The following TRHDE variants were observed in gnomAD, a reference collection of about 807,000 sequenced individuals.
TRHDE encodes thyrotropin releasing hormone degrading enzyme.
TRHDE carries 72 observed loss-of-function variants against 125.7 expected under a neutral mutation model. The observed-to-expected ratio is 0.57, with a 90% CI of 0.47 to 0.70. The LOEUF is 0.70. TRHDE is among the 30% of genes least tolerant of loss of function. The pLI, the probability that TRHDE is intolerant of heterozygous loss-of-function variation, is 0.00. For missense variants in TRHDE, 1,110 were observed against 1,327.1 expected, an observed-to-expected ratio of 0.84 and a Z score of 2.54; for synonymous variants, 509 against 509.1, an observed-to-expected ratio of 1.00 and a Z score of 0.00.
intron 3 of TRHDE, among the ~76,000 whole-genome samples, chr12:72,462,643 T>C (rs1397851614): frequency 6.6e-6 from 1 of 152,214 alleles, no homozygotes; most frequent in Non-Finnish European, 1.5e-5. Context: ...AGATTAAAAC[T>C]GCCCTGTCTT....
chr12:72,397,761 C>T (rs1382637780), intron 3 of TRHDE, among the ~76,000 whole-genome samples: 3 of 151,978 alleles, frequency 2.0e-5, no homozygotes, highest in African/African-American at 7.3e-5. Flanking sequence ...AGAAACATCC[C>T]CTGATGACAT....
At chr12:72,109,414 C>T (rs909699351) in intron 2 of TRHDE, among the ~76,000 whole-genome samples, 1 of 152,008 alleles carries the variant, frequency 6.6e-6, no homozygotes, top group Non-Finnish European at 1.5e-5. Context: ...TGCTTGGCTG[C>T]ATATAACAGA....
At chr12:72,638,443 C>T (rs1365710209) in intron 15 of TRHDE, among the ~76,000 whole-genome samples, 1 of 151,820 alleles carries the variant, frequency 6.6e-6, no homozygotes, top group African/African-American at 2.4e-5. Context: ...ACTGATGGGT[C>T]TTGACTCTTT....
At chr12:72,130,196 A>T (rs975322788) in intron 2 of TRHDE, among the ~76,000 whole-genome samples, 1 of 152,102 alleles carries the variant, frequency 6.6e-6, no homozygotes, top group African/African-American at 2.4e-5. Context: ...GCTACTCGGG[A>T]GGCTGAGGCT....
intron 1 of TRHDE, among the ~76,000 whole-genome samples, chr12:72,099,427 A>G (rs1875015668): frequency 6.6e-6 from 1 of 152,190 alleles, no homozygotes; most frequent in Admixed American, 6.5e-5. Context: ...CTTTAGGTAT[A>G]AAGACTCAGG....
chr12:72,454,091 C>G (rs1394943645), intron 3 of TRHDE, among the ~76,000 whole-genome samples: 3 of 152,060 alleles, frequency 2.0e-5, no homozygotes, highest in Admixed American at 6.5e-5. Context: ...TTATGATTTT[C>G]AGTAGCTAAA....
Position 72,579,694 on chromosome 12 carries a change from A to C in TRHDE, c.2321+4152A>C, listed in dbSNP as rs1043462622. ...CTGTCTGAAGATTTTGAAATATTCT[A>C]TTTTTCTTAAGAGATTGTTTTTGTT... On this transcript the variant is annotated intron_variant, in intron 12 of 18. Transcript: ENST00000261180. 1.6e-4 allele frequency among the ~76,000 whole-genome samples: 24 copies of C among 151,988 alleles called. No homozygotes were observed. In the South Asian group the frequency reaches 5.0e-3, roughly 32 times the overall value.
At chr12:72,100,845 A>G (rs945721430) in intron 1 of TRHDE, among the ~76,000 whole-genome samples, 19 of 152,156 alleles carry the variant, frequency 1.2e-4, no homozygotes, top group African/African-American at 4.6e-4. Context: ...GGTTATGTCA[A>G]TCTGAAAATT....
At chr12:72,616,744 TACTA>T (rs1872831830) in intron 12 of TRHDE, among the ~76,000 whole-genome samples, 1 of 152,170 alleles carries the variant, frequency 6.6e-6, no homozygotes, top group South Asian at 2.1e-4. Context: ...GCCACTTACT[TACTA>T]AAAGTTTTTT....
At chr12:72,270,435 C>T (rs1284493089), upstream of TRHDE, among the ~76,000 whole-genome samples, 1 of 151,350 alleles carries the variant, frequency 6.6e-6, no homozygotes, top group Non-Finnish European at 1.5e-5. Context: ...TAGTGGTTAT[C>T]AAGCTAAGGT....
intron 3 of TRHDE, among the ~76,000 whole-genome samples, chr12:72,469,490 G>T (rs1876541028): frequency 6.6e-6 from 1 of 152,106 alleles, no homozygotes; most frequent in South Asian, 2.1e-4. Flanking sequence ...ATTAGGATGG[G>T]CCCATCAATA....
upstream of TRHDE, chr12:72,271,960 G>A (rs903154451): frequency 2.2e-6 from 1 of 456,698 alleles, no homozygotes. Flanking sequence ...AAAGTGCCCA[G>A]GGTGGAGAAG....
intron 2 of TRHDE, among the ~76,000 whole-genome samples, chr12:72,251,705 T>C (rs1878687443): frequency 6.6e-6 from 1 of 152,112 alleles, no homozygotes; most frequent in African/African-American, 2.4e-5. Context: ...CTGGGATGTA[T>C]GGTAACTCCA....
chr12:72,559,980 G>T (rs1348540136), intron 7 of TRHDE, among the ~76,000 whole-genome samples: 1 of 151,926 alleles, frequency 6.6e-6, no homozygotes, highest in Non-Finnish European at 1.5e-5. Context: ...CACACTAAGT[G>T]CTCCATAAAT....
intron 1 of TRHDE, among the ~76,000 whole-genome samples, chr12:72,277,797 A>C (rs1019449190): frequency 2.6e-5 from 4 of 152,194 alleles, no homozygotes; most frequent in Admixed American, 2.0e-4. Context: ...CACCCTGGAT[A>C]ATAATTAAAT....
intron 1 of TRHDE, among the ~76,000 whole-genome samples, chr12:72,102,104 TTG>T (rs1555219243): frequency 5.9e-5 from 9 of 152,160 alleles, no homozygotes; most frequent in Non-Finnish European, 1.2e-4. Context: ...ATGAACACAA[TTG>T]GGAGTGTAGA....
At chr12:72,398,454 T>C (rs925344529) in intron 3 of TRHDE, among the ~76,000 whole-genome samples, 3 of 152,240 alleles carry the variant, frequency 2.0e-5, no homozygotes, top group African/African-American at 7.2e-5. Context: ...TTGTATTATG[T>C]ACTTTGCCAT....
At chr12:72,490,858 G>A (rs938290054) in intron 5 of TRHDE, among the ~76,000 whole-genome samples, 12 of 151,230 alleles carry the variant, frequency 7.9e-5, no homozygotes, top group Admixed American at 6.6e-4. Flanking sequence ...TAGTTAAGAG[G>A]ATACAAATTA....
At chr12:72,549,784 TA>T (rs1195039111) in intron 7 of TRHDE, among the ~76,000 whole-genome samples, 3 of 151,718 alleles carry the variant, frequency 2.0e-5, no homozygotes, top group African/African-American at 7.2e-5. Context: ...ACAAATACTT[TA>T]AAAAAAGTAA....
Sources: gnomAD v4.1 joint callset for allele counts (sites outside exome capture counted in the v4.1 genomes callset) on GRCh38, gnomAD v4.1.1 for gene constraint, MANE v1.5 for transcripts, NCBI Gene and HGNC (gene_info 2026-07-23, HGNC 2026-07-21) for gene names.